Variants in C2orf78 observed in about 807,000 individuals in gnomAD.
C2orf78 encodes uncharacterized protein C2orf78.
C2orf78 carries 12 observed loss-of-function variants against 21.4 expected under a neutral mutation model. The ratio of observed to expected loss-of-function variants is 0.56; its 90% CI spans 0.36 to 0.91. C2orf78 has a LOEUF of 0.91. Among genes scored for constraint, C2orf78 ranks in the 40% least tolerant of loss-of-function variants. C2orf78 has a pLI of 0.01. For missense variants in C2orf78, 1,042 were observed against 1,092.4 expected, an observed-to-expected ratio of 0.95 and a Z score of 0.65; for synonymous variants, 396 against 413.9, an observed-to-expected ratio of 0.96 and a Z score of 0.52.
intron 1 of C2orf78, among the ~76,000 whole-genome samples, chr2:73,812,275 C>G (rs1673104912): frequency 6.6e-6 from 1 of 152,140 alleles, no homozygotes. Flanking sequence ...TGTTTTGATG[C>G]TAGCTACATA....
chr2:73,814,348 T>C lies in C2orf78; in HGVS notation c.847+122T>C, dbSNP rs577455049. 7.3e-6 allele frequency: 8 copies of C among 1,102,064 alleles called. No individual in the cohort carries two copies. The East Asian group carries it at 1.9e-4, about 26-fold the overall frequency. 68.3% of individuals were successfully genotyped at this position (1,102,064 alleles called of 1,614,324 possible). ...TAAGTCCTGAGACTTCAACCACTAT[T>C]CTTTGGCAGTGCTCTCCATTTTCAG... On this transcript the variant is annotated intron_variant, in intron 2 of 2. Coordinates refer to ENST00000409561, the Ensembl canonical transcript of C2orf78.
chr2:73,811,278 A>G (rs1382287370), intron 1 of C2orf78, among the ~76,000 whole-genome samples: 2 of 152,084 alleles, frequency 1.3e-5, no homozygotes, highest in Non-Finnish European at 2.9e-5. Context: ...AGGATAGAGC[A>G]GGACCCCATC....
chr2:73,816,403 A>AC lies in C2orf78; in HGVS notation c.2182dup (p.Gln728ProfsTer18). 6.2e-7 allele frequency: 1 copy of AC among 1,613,680 alleles called. No homozygotes were observed. The highest frequency in any genetic ancestry group is 8.5e-7 in the Non-Finnish European group (1 of 1,179,788). On this transcript the variant is annotated frameshift_variant, in exon 3 of 3. Coordinates refer to ENST00000409561, the Ensembl canonical transcript of C2orf78. LOFTEE classifies it low-confidence loss of function (END_TRUNC). ...ATACCTTTGCCCTTTCTGACCCTGG[A>AC]CCAACCTCAAGCTCGACATGTTTCT...
chr2:73,809,994 A>T (rs1248387514), intron 1 of C2orf78, among the ~76,000 whole-genome samples: 1 of 152,144 alleles, frequency 6.6e-6, no homozygotes, highest in East Asian at 1.9e-4. Context: ...TTTTAAAATA[A>T]AAAAATATAT....
exon 3 of C2orf78, chr2:73,816,834 A>T: frequency 6.2e-7 from 1 of 1,614,050 alleles, no homozygotes; most frequent in Non-Finnish European, 8.5e-7. Flanking sequence ...GTCAACGCCC[A>T]TCACAGAAGA....
At chr2:73,812,143 A>G (rs1673102238) in intron 1 of C2orf78, among the ~76,000 whole-genome samples, 2 of 152,134 alleles carry the variant, frequency 1.3e-5, no homozygotes, top group Non-Finnish European at 2.9e-5. Flanking sequence ...TATGCTTGTT[A>G]GAAATTCATT....
exon 3 of C2orf78, chr2:73,815,653 C>G: frequency 6.2e-7 from 1 of 1,613,950 alleles, no homozygotes; most frequent in Non-Finnish European, 8.5e-7. Flanking sequence ...GCCAAAGATA[C>G]CAGTGCCATC....
exon 2 of C2orf78, chr2:73,813,890 A>G: frequency 6.2e-7 from 1 of 1,614,014 alleles, no homozygotes; most frequent in Non-Finnish European, 8.5e-7. Flanking sequence ...AACTTCAGAT[A>G]CCAATACTAT....
In C2orf78 at chr2:73,815,269, C is replaced by CT; in HGVS notation, c.1047dup (p.Pro350SerfsTer9). On this transcript the variant is annotated frameshift_variant, in exon 3 of 3. Transcript: ENST00000409561. LOFTEE classifies it low-confidence loss of function (END_TRUNC). ...AGTCCTACTAATCTCTTGACACTGT[C>CT]TCCAGCTCCAAGCCAGGAAAAAAAT... 1 of 1,613,928 alleles carries CT rather than the reference C, an allele frequency of 6.2e-7. No individual in the cohort carries two copies. Among genetic ancestry groups the CT allele is most frequent in the Non-Finnish European group, 8.5e-7 (1 of 1,179,860 alleles).
chr2:73,816,404 C>A (rs755343089), exon 3 of C2orf78: 5 of 1,613,924 alleles, frequency 3.1e-6, no homozygotes, highest in Non-Finnish European at 4.2e-6. Flanking sequence ...TGACCCTGGA[C>A]CAACCTCAAG....
rs1673210939 is a variant in C2orf78 at position 73,816,753 on chromosome 2, C to T, written c.2530C>T (p.Gln844Ter). Reference sequence around the variant, plus strand: ...CCGGTCACTGCCCAAGCCTCAAAATCAATTTCTAATCCAAGACTTCAGCCT... The same window carrying T: ...CCGGTCACTGCCCAAGCCTCAAAATTAATTTCTAATCCAAGACTTCAGCCT... Residue 844 changes from glutamine to a stop codon, truncating the protein, a stop_gained, in exon 3 of 3, where the codon CAA becomes TAA. Coordinates refer to ENST00000409561, the Ensembl canonical transcript of C2orf78. LOFTEE classifies it low-confidence loss of function (END_TRUNC). The T allele has an allele frequency of 6.2e-7, 1 of 1,613,870 alleles. No homozygotes were observed. Among genetic ancestry groups the T allele is most frequent in the South Asian group, 1.1e-5 (1 of 91,072 alleles).
exon 3 of C2orf78, chr2:73,816,730 G>C (rs539780072): frequency 6.2e-7 from 1 of 1,613,782 alleles, no homozygotes; most frequent in South Asian, 1.1e-5. Flanking sequence ...ACCAGTCTCC[G>C]GTCACTGCCC....
At chr2:73,808,737 G>C (rs1673009466) in intron 1 of C2orf78, 1 of 1,516,504 alleles carries the variant, frequency 6.6e-7, no homozygotes, top group Non-Finnish European at 8.8e-7. Flanking sequence ...GGCGTGGCCT[G>C]TAAATTTGTA....
At chr2:73,810,680 AT>A (rs1673066643) in intron 1 of C2orf78, among the ~76,000 whole-genome samples, 2 of 133,700 alleles carry the variant, frequency 1.5e-5, no homozygotes, top group Admixed American at 1.6e-4. Context: ...ATATAATAAA[AT>A]ATACATATAT....
exon 3 of C2orf78, chr2:73,815,607 G>A (rs751900604): frequency 6.2e-7 from 1 of 1,613,948 alleles, no homozygotes; most frequent in South Asian, 1.1e-5. Flanking sequence ...TTCCTTACAA[G>A]ATCTTGACCA....
At chr2:73,808,697 T>A in intron 1 of C2orf78, 20 of 1,505,698 alleles carry the variant, frequency 1.3e-5, no homozygotes, top group Non-Finnish European at 1.8e-5. Flanking sequence ...CCAAACCAAC[T>A]GCCACCTGGT....
rs936434264 is a variant in C2orf78 at position 73,808,765 on chromosome 2, T to C, written c.98-4712T>C. On this transcript the variant is annotated intron_variant, in intron 1 of 2. Transcript: ENST00000409561. ...AATTTGTATCATCACAAGGGGCCAG[T>C]GACCAGTAACCAGTGACCAGTGGCC... is the stretch of plus-strand genomic sequence containing the variant. The C allele has an allele frequency of 5.7e-5, 86 of 1,516,794 alleles. 2 individuals carry two copies. In the African/African-American group the frequency reaches 1.1e-3, roughly 19 times the overall value. 94.0% of individuals were successfully genotyped at this position (1,516,794 alleles called of 1,614,324 possible).
chr2:73,814,567 A>T (rs1328024484), intron 2 of C2orf78, among the ~76,000 whole-genome samples: 1 of 152,170 alleles, frequency 6.6e-6, no homozygotes, highest in Non-Finnish European at 1.5e-5. Context: ...GGCACTTCAG[A>T]ACTCTTATTT....
At chr2:73,816,003 G>A (rs1285550855) in exon 3 of C2orf78, 1 of 1,613,866 alleles carries the variant, frequency 6.2e-7, no homozygotes, top group Non-Finnish European at 8.5e-7. Flanking sequence ...AGGGAAAAAA[G>A]TCAAGGTAGA....
Sources: allele counts gnomAD v4.1 joint callset (sites outside exome capture counted in the v4.1 genomes callset), GRCh38; gene constraint gnomAD v4.1.1; transcripts MANE v1.5; gene names NCBI Gene and HGNC (gene_info 2026-07-23, HGNC 2026-07-21).